The following TSPAN9 variants were observed in gnomAD, a reference collection of about 807,000 sequenced individuals.
The protein encoded by TSPAN9 is tetraspanin 9.
TSPAN9 carries 16 observed loss-of-function variants against 31.0 expected under a neutral mutation model. The observed-to-expected ratio is 0.52, with a 90% confidence interval of 0.35 to 0.78. The LOEUF (loss-of-function observed/expected upper bound fraction) is 0.78, where lower values mean the gene tolerates loss of function less well. Among genes scored for constraint, TSPAN9 ranks in the 30% least tolerant of loss-of-function variants. TSPAN9 has a pLI of 0.01. For synonymous variants in TSPAN9, 145 were observed against 121.6 expected, an observed-to-expected ratio of 1.19 and a Z score of -1.27; for missense variants, 272 against 312.5, an observed-to-expected ratio of 0.87 and a Z score of 0.98.
intron 3 of TSPAN9, among the ~76,000 whole-genome samples, chr12:3,259,223 G>T (rs1284953687): frequency 6.6e-6 from 1 of 152,212 alleles, no homozygotes; most frequent in Non-Finnish European, 1.5e-5. Context: ...CGCCTTCATA[G>T]CCCAAGTTCC....
At chr12:3,198,660 TCACCACCAGCACAGGC>T (rs2098368983) in intron 2 of TSPAN9, among the ~76,000 whole-genome samples, 3 of 59,888 alleles carry the variant, frequency 5.0e-5, no homozygotes, top group African/African-American at 2.1e-4. Context: ...CCAGCACAGC[TCACCACCAGCACAGGC>T]CACCACCAGC....
chr12:3,085,259 C>T (rs180685232), intron 2 of TSPAN9, among the ~76,000 whole-genome samples: 9 of 151,842 alleles, frequency 5.9e-5, no homozygotes, highest in Admixed American at 3.3e-4. Flanking sequence ...AGGGAATGAC[C>T]GTCCTGCTGT....
chr12:3,274,268 G>A (rs1254302784), intron 3 of TSPAN9, among the ~76,000 whole-genome samples: 1 of 152,246 alleles, frequency 6.6e-6, no homozygotes, highest in Admixed American at 6.5e-5. Context: ...GCTGAGGGCT[G>A]AGAGCACCAT....
chr12:3,131,849 G>A (rs2098329950), intron 2 of TSPAN9, among the ~76,000 whole-genome samples: 1 of 152,144 alleles, frequency 6.6e-6, no homozygotes. Context: ...CGTTCACCGT[G>A]TTTGTAAAAC....
intron 3 of TSPAN9, among the ~76,000 whole-genome samples, chr12:3,220,883 A>G (rs1327002137): frequency 2.6e-5 from 4 of 152,174 alleles, no homozygotes; most frequent in Non-Finnish European, 5.9e-5. Context: ...GATGAGGAAC[A>G]CATTGGCCTT....
chr12:3,206,998 G>A (rs1239752077), intron 3 of TSPAN9, among the ~76,000 whole-genome samples: 1 of 152,102 alleles, frequency 6.6e-6, no homozygotes, highest in African/African-American at 2.4e-5. Context: ...AGTCCAAGGG[G>A]GAGACAGCAC....
intron 3 of TSPAN9, among the ~76,000 whole-genome samples, chr12:3,218,254 G>A (rs1188442707): frequency 1.3e-5 from 2 of 152,188 alleles, no homozygotes; most frequent in African/African-American, 2.4e-5. Flanking sequence ...TCGGGGCAGG[G>A]AGCAAAGGAC....
intron 2 of TSPAN9, among the ~76,000 whole-genome samples, chr12:3,121,281 C>G (rs2098324934): frequency 6.6e-6 from 1 of 151,678 alleles, no homozygotes; most frequent in African/African-American, 2.4e-5. Flanking sequence ...AGGTCTGATC[C>G]AGGCCACAGA....
chr12:3,154,084 T>TC (rs2098341164), intron 2 of TSPAN9, among the ~76,000 whole-genome samples: 1 of 151,996 alleles, frequency 6.6e-6, no homozygotes, highest in African/African-American at 2.4e-5. Flanking sequence ...AGCTGTCTGC[T>TC]CCCCCTTTTG....
intron 2 of TSPAN9, among the ~76,000 whole-genome samples, chr12:3,100,149 C>G (rs965308074): frequency 6.6e-6 from 1 of 152,116 alleles, no homozygotes; most frequent in African/African-American, 2.4e-5. Context: ...CGGCCAAGGT[C>G]TGTCCACTCT....
At chr12:3,115,567 G>T (rs1160124837) in intron 2 of TSPAN9, among the ~76,000 whole-genome samples, 3 of 152,228 alleles carry the variant, frequency 2.0e-5, no homozygotes, top group Non-Finnish European at 4.4e-5. Context: ...GGGGGTCCCA[G>T]ATCGGGGTGC....
chr12:3,102,073 A>C (rs2098312089), intron 2 of TSPAN9, among the ~76,000 whole-genome samples: 1 of 152,132 alleles, frequency 6.6e-6, no homozygotes, highest in African/African-American at 2.4e-5. Context: ...TGGTGCTGGC[A>C]GAACTCTTGA....
intron 2 of TSPAN9, among the ~76,000 whole-genome samples, chr12:3,135,864 C>T (rs1283601936): frequency 7.2e-5 from 11 of 152,288 alleles, no homozygotes; most frequent in African/African-American, 2.2e-4. Flanking sequence ...TCTTGAGAAG[C>T]GGCTGTCTCA....
At chr12:3,099,415 C>T (rs184162428) in intron 2 of TSPAN9, among the ~76,000 whole-genome samples, 8 of 152,150 alleles carry the variant, frequency 5.3e-5, no homozygotes, top group Admixed American at 3.3e-4. Context: ...TGATGTTTTC[C>T]TCTGCATTCT....
chr12:3,132,937 G>A (rs2098330462), intron 2 of TSPAN9, among the ~76,000 whole-genome samples: 1 of 152,104 alleles, frequency 6.6e-6, no homozygotes, highest in Non-Finnish European at 1.5e-5. Context: ...ATTAGGAAGC[G>A]GTCAGGTCCT....
At chr12:3,176,031 G>A (rs573867422) in intron 2 of TSPAN9, among the ~76,000 whole-genome samples, 3 of 152,302 alleles carry the variant, frequency 2.0e-5, no homozygotes, top group African/African-American at 4.8e-5. Context: ...AGAGCCACGG[G>A]AATGAGATTC....
At chr12:3,228,760 A>G (rs1346213354) in intron 3 of TSPAN9, among the ~76,000 whole-genome samples, 1 of 152,246 alleles carries the variant, frequency 6.6e-6, no homozygotes, top group Non-Finnish European at 1.5e-5. Flanking sequence ...GTAACAAATT[A>G]CCATACACTT....
At position 3,084,308 on chromosome 12, in the gene TSPAN9, G is replaced by A. The variant is rs73046400; in HGVS notation, c.-18+589G>A. On this transcript the variant is annotated intron_variant, in intron 2 of 8. Transcript: ENST00000011898. ...AGGCAGCCAGACAGTGGGGGTGGAC[G>A]GTGCTGATTCAGGTTCCCTTGGGGT... is the stretch of plus-strand genomic sequence containing the variant. 3.0e-3 allele frequency: 461 copies of A among 152,604 alleles called. 2 individuals carry two copies. Among genetic ancestry groups the A allele is most frequent in the Middle Eastern group, 6.7e-3 (2 of 298 alleles). The allele number at this position is 152,604 out of a possible 1,614,324, so 9.5% of individuals were successfully genotyped here. A position where few individuals can be genotyped will look rare whatever the true frequency, so the allele number is the denominator to read the frequency against.
intron 3 of TSPAN9, among the ~76,000 whole-genome samples, chr12:3,264,479 C>T (rs187887885): frequency 2.6e-4 from 39 of 152,350 alleles, no homozygotes; most frequent in African/African-American, 6.5e-4. Flanking sequence ...AGCCGCCTCC[C>T]GGAGATGGGT....
Sources: allele counts gnomAD v4.1 joint callset (sites outside exome capture counted in the v4.1 genomes callset), GRCh38; gene constraint gnomAD v4.1.1; transcripts MANE v1.5; gene names NCBI Gene and HGNC (gene_info 2026-07-23, HGNC 2026-07-21).